The following TANGO6 variants were observed in gnomAD, a reference collection of about 807,000 sequenced individuals.
TANGO6 encodes the protein transport and golgi organization 6 homolog.
A neutral mutation model predicts 114.2 loss-of-function variants in TANGO6; 90 were observed. That is an observed-to-expected ratio of 0.79 (90% CI 0.66 to 0.94). TANGO6 has a LOEUF of 0.94. TANGO6 is among the 40% of genes least tolerant of loss of function. The pLI, the probability that TANGO6 is intolerant of heterozygous loss-of-function variation, is 0.00. For synonymous variants in TANGO6, 477 were observed against 509.8 expected, an observed-to-expected ratio of 0.94 and a Z score of 0.87; for missense variants, 1,274 against 1,315.3, an observed-to-expected ratio of 0.97 and a Z score of 0.49.
At chr16:68,960,495 A>G (rs1042550024) in intron 14 of TANGO6, among the ~76,000 whole-genome samples, 1 of 151,324 alleles carries the variant, frequency 6.6e-6, no homozygotes, top group Admixed American at 6.6e-5. Flanking sequence ...TTAATTAATT[A>G]TTATTCTTAT....
rs78224211 is a variant in TANGO6, at chr16:69,011,666, C to T, written c.2843-11162C>T. 5.8e-3 allele frequency among the ~76,000 whole-genome samples: 878 copies of T among 152,156 alleles called. 12 individuals carry two copies. Among genetic ancestry groups the T allele is most frequent in the African/African-American group, 0.02 (842 of 41,492 alleles). On this transcript the variant is annotated intron_variant, in intron 15 of 17. Transcript: ENST00000261778. ...AGAGACAAGCTTTCGCCATATTGCC[C>T]AAGCTGGTCTTGAACTCCTGGCCTC...
At chr16:68,973,090 G>GGGGCCA (rs910424771) in intron 14 of TANGO6, 5 of 455,708 alleles carry the variant, frequency 1.1e-5, no homozygotes, top group African/African-American at 8.0e-5. Context: ...GAAGCATGAA[G>GGGGCCA]GGGCCAGACT....
intron 6 of TANGO6, among the ~76,000 whole-genome samples, chr16:68,879,665 G>A (rs1962425927): frequency 6.8e-6 from 1 of 146,540 alleles, no homozygotes; most frequent in Non-Finnish European, 1.5e-5. Flanking sequence ...CACCCAGGCT[G>A]GAGTGCAGTG....
At chr16:68,867,411 T>C (rs1962195464) in intron 4 of TANGO6, 191 bp downstream of exon 4, 1 of 626,744 alleles carries the variant, frequency 1.6e-6, no homozygotes, top group Non-Finnish European at 2.7e-6. Flanking sequence ...ATTCTCTTGC[T>C]CTTTTCCTAA....
intron 17 of TANGO6, among the ~76,000 whole-genome samples, chr16:69,065,401 T>C (rs1242096116): frequency 6.6e-6 from 1 of 152,214 alleles, no homozygotes; most frequent in East Asian, 1.9e-4. Context: ...TTGGTCTTTG[T>C]CCCTAAACAA....
intron 17 of TANGO6, among the ~76,000 whole-genome samples, chr16:69,076,852 C>A (rs1411475632): frequency 1.3e-5 from 2 of 152,150 alleles, no homozygotes; most frequent in Non-Finnish European, 2.9e-5. Context: ...TTCACGCTCC[C>A]TGTCCCATTG....
intron 4 of TANGO6, among the ~76,000 whole-genome samples, chr16:68,872,148 G>A (rs919225065): frequency 2.0e-5 from 3 of 151,636 alleles, no homozygotes; most frequent in African/African-American, 7.3e-5. Flanking sequence ...TTGAACCTGG[G>A]AGGTGGAGGT....
At chr16:69,081,793 G>A (rs189100224) in intron 17 of TANGO6, among the ~76,000 whole-genome samples, 2 of 151,870 alleles carry the variant, frequency 1.3e-5, no homozygotes, top group East Asian at 3.9e-4. Context: ...CCATAAAATC[G>A]GAGCATTGGT....
At position 68,980,431 on chromosome 16, in the gene TANGO6, ATATATTTTT is replaced by A. The variant is rs1339609696; in HGVS notation, c.2842+6265_2842+6273del. Among the ~76,000 whole-genome samples the A allele has an allele frequency of 3.2e-3, 240 of 75,926 alleles. 1 individual carries two copies. Among genetic ancestry groups the A allele is most frequent in the Non-Finnish European group, 5.3e-3 (198 of 37,138 alleles). The allele number at this position is 75,926 out of a possible 152,430, so 49.8% of individuals were successfully genotyped here. On this transcript the variant is annotated intron_variant, in intron 15 of 17. Transcript: ENST00000261778. ...TCTCTATATATATATATATATATAT[ATATATTTTT>A]TTTTTTTTTTTTGAGATAGGGTCTT...
At chr16:68,984,281 A>G (rs959642569) in intron 15 of TANGO6, among the ~76,000 whole-genome samples, 4 of 152,172 alleles carry the variant, frequency 2.6e-5, no homozygotes, top group Non-Finnish European at 5.9e-5. Context: ...CTCCCTGCTG[A>G]GTCTGCCTAG....
At chr16:68,975,759 G>A (rs1963759702) in intron 15 of TANGO6, among the ~76,000 whole-genome samples, 1 of 150,378 alleles carries the variant, frequency 6.6e-6, no homozygotes, top group Non-Finnish European at 1.5e-5. Flanking sequence ...GTCTCACTAT[G>A]TTGCCCAGGC....
intron 8 of TANGO6, 119 bp downstream of exon 8, chr16:68,900,665 C>A: frequency 1.2e-6 from 1 of 830,624 alleles, no homozygotes; most frequent in Non-Finnish European, 1.9e-6. Flanking sequence ...CTTTCAAAGT[C>A]AGGAAAACAC....
intron 4 of TANGO6, among the ~76,000 whole-genome samples, chr16:68,874,655 AAGGAACGTATAGGCC>A (rs1962327794): frequency 6.6e-6 from 1 of 152,108 alleles, no homozygotes; most frequent in Non-Finnish European, 1.5e-5. Context: ...CTAGCATCAA[AAGGAACGTATAGGCC>A]AGGCGCGGTG....
At chr16:68,844,319 T>C (rs1961770633) in intron 1 of TANGO6, among the ~76,000 whole-genome samples, 1 of 152,068 alleles carries the variant, frequency 6.6e-6, no homozygotes, top group Admixed American at 6.6e-5. Flanking sequence ...CAAGGCTCAC[T>C]GAAGAAATTA....
At chr16:69,073,601 G>A (rs979691582) in intron 17 of TANGO6, among the ~76,000 whole-genome samples, 1 of 152,188 alleles carries the variant, frequency 6.6e-6, no homozygotes, top group Non-Finnish European at 1.5e-5. Flanking sequence ...CCGGGAATTA[G>A]CTCATTTTCA....
At chr16:68,876,066 T>C (rs930348951) in intron 5 of TANGO6, among the ~76,000 whole-genome samples, 1 of 152,192 alleles carries the variant, frequency 6.6e-6, no homozygotes. Context: ...ATTATGCATA[T>C]ACCATCATAT....
Position 68,859,921 on chromosome 16 carries a change from T to A in TANGO6, c.132T>A (p.Asp44Glu). 1 of 1,599,294 alleles carries A rather than the reference T, an allele frequency of 6.3e-7. No individual in the cohort carries two copies. Among genetic ancestry groups the A allele is most frequent in the Non-Finnish European group, 8.5e-7 (1 of 1,172,224 alleles). ...GSSSLQVTKHDVLLATLKSNL... is the reference protein window; with the variant it reads ...GSSSLQVTKHEVLLATLKSNL... ...GTTCACTACAGGTCACAAAACATGATGTCTTGTTGGCTACTTTAAAATCTA... is the reference window on the plus strand; with the variant it reads ...GTTCACTACAGGTCACAAAACATGAAGTCTTGTTGGCTACTTTAAAATCTA... The change falls in exon 2 of 18, where the codon GAT becomes GAA. Residue 44 changes from aspartate to glutamate, a missense_variant. Around this residue, in one of 5 missense-constraint regions of TANGO6, gnomAD observed 114 missense variants for 104.6 expected, o/e 1.09. Transcript: ENST00000261778.
At chr16:68,877,467 CAAAA>C (rs35716789) in intron 5 of TANGO6, among the ~76,000 whole-genome samples, 5 of 85,754 alleles carry the variant, frequency 5.8e-5, no homozygotes, top group Non-Finnish European at 7.9e-5. Flanking sequence ...GACTCCATCT[CAAAA>C]AAAAAAAAAA....
At chr16:69,041,538 A>G (rs759897626) in intron 17 of TANGO6, among the ~76,000 whole-genome samples, 13 of 151,794 alleles carry the variant, frequency 8.6e-5, no homozygotes, top group Admixed American at 3.3e-4. Flanking sequence ...TTCTGATGCC[A>G]TTTTTGTACA....
Sources: allele counts gnomAD v4.1 joint callset (sites outside exome capture counted in the v4.1 genomes callset), GRCh38; gene constraint gnomAD v4.1.1; regional missense constraint gnomAD v4.1.1; transcripts MANE v1.5; gene names NCBI Gene and HGNC (gene_info 2026-07-23, HGNC 2026-07-21).